The following LIN52 variants were observed in gnomAD, a reference collection of about 807,000 sequenced individuals.
LIN52 encodes lin-52 DREAM MuvB core complex component, also known as protein lin-52 homolog.
LIN52 carries 4 observed loss-of-function variants against 18.5 expected under a neutral mutation model. The ratio of observed to expected loss-of-function variants is 0.22; its 90% confidence interval spans 0.11 to 0.49. The LOEUF (loss-of-function observed/expected upper bound fraction) is 0.49, where lower values mean the gene tolerates loss of function less well. Among genes scored for constraint, LIN52 ranks in the 20% least tolerant of loss-of-function variants. The probability of loss-of-function intolerance (pLI) is 0.97; values close to 1 mark genes in which losing one functional copy is unlikely to be tolerated. For synonymous variants in LIN52, 34 were observed against 45.5 expected (o/e 0.75, Z 1.02); for missense variants, 102 against 139.5 (o/e 0.73, Z 1.35).
At chr14:74,163,985 T>A (rs986308162) in intron 5 of LIN52, among the ~76,000 whole-genome samples, 5 of 46,744 alleles carry the variant, frequency 1.1e-4, no homozygotes, top group South Asian at 4.4e-4. Flanking sequence ...TGTACTGAAA[T>A]TTTTTTTTTT....
chr14:74,118,656 C>A (rs1595161577), intron 5 of LIN52, among the ~76,000 whole-genome samples: 1 of 151,188 alleles, frequency 6.6e-6, no homozygotes, highest in Non-Finnish European at 1.5e-5. Context: ...CACCTGTAGT[C>A]CCAGCTACTT....
chr14:74,173,496 T>C (rs1026854996), intron 5 of LIN52, among the ~76,000 whole-genome samples: 1 of 152,208 alleles, frequency 6.6e-6, no homozygotes, highest in African/African-American at 2.4e-5. Context: ...CTGGATTACT[T>C]AGTTTTTACA....
intron 5 of LIN52, among the ~76,000 whole-genome samples, chr14:74,146,307 C>T (rs1257149775): frequency 6.6e-6 from 1 of 152,022 alleles, no homozygotes; most frequent in Non-Finnish European, 1.5e-5. Flanking sequence ...CTGTGCCAAC[C>T]ATAAGAAAAA....
chr14:74,132,622 CCT>C (rs1438237600), intron 5 of LIN52, among the ~76,000 whole-genome samples: 1 of 152,218 alleles, frequency 6.6e-6, no homozygotes. Flanking sequence ...AATTCTCCTG[CCT>C]CAGCCTCCCG....
intron 5 of LIN52, among the ~76,000 whole-genome samples, chr14:74,106,205 C>T (rs1366571554): frequency 6.6e-6 from 1 of 152,162 alleles, no homozygotes; most frequent in East Asian, 1.9e-4. Context: ...ATGTTACAGT[C>T]ACCTTCTAGC....
At chr14:74,086,110 A>T (rs1595140333) in intron 1 of LIN52, among the ~76,000 whole-genome samples, 1 of 151,824 alleles carries the variant, frequency 6.6e-6, no homozygotes, top group East Asian at 1.9e-4. Context: ...ACCATTATTC[A>T]TTATCTCAGT....
At chr14:74,163,984 A>T (rs954422998) in intron 5 of LIN52, among the ~76,000 whole-genome samples, 2 of 146,598 alleles carry the variant, frequency 1.4e-5, no homozygotes, top group East Asian at 2.0e-4. Flanking sequence ...CTGTACTGAA[A>T]TTTTTTTTTT....
rs140817464 is a variant in LIN52, at chr14:74,166,252, C to T, written c.284-32670C>T. Among the ~76,000 whole-genome samples the T allele has an allele frequency of 2.4e-4, 35 of 148,186 alleles. No homozygotes were observed. The East Asian group carries it at 6.4e-3, about 27-fold the overall frequency. ...TTTTTTTAAGACAGAGTTTTGCTCT[C>T]GTTGCCCAGGTTGGAGTGCAATGGC... On this transcript the variant is annotated intron_variant, in intron 5 of 5. Coordinates refer to ENST00000555028, the MANE Select transcript of LIN52 (RefSeq NM_001024674.3).
intron 2 of LIN52, among the ~76,000 whole-genome samples, chr14:74,093,740 C>A (rs1437968976): frequency 6.6e-6 from 1 of 152,088 alleles, no homozygotes; most frequent in Non-Finnish European, 1.5e-5. Flanking sequence ...CCGAGGTGGG[C>A]GGATTACCTG....
At chr14:74,146,348 A>C (rs917048511) in intron 5 of LIN52, among the ~76,000 whole-genome samples, 1 of 151,994 alleles carries the variant, frequency 6.6e-6, no homozygotes, top group African/African-American at 2.4e-5. Flanking sequence ...AGTTCTCTTC[A>C]GTTTCCATAA....
chr14:74,165,242 T>A (rs2061243268), intron 5 of LIN52, among the ~76,000 whole-genome samples: 1 of 152,128 alleles, frequency 6.6e-6, no homozygotes, highest in Non-Finnish European at 1.5e-5. Context: ...GCATGTCATG[T>A]GTATTATGAG....
At chr14:74,151,063 T>C (rs1039240008) in intron 5 of LIN52, among the ~76,000 whole-genome samples, 1 of 152,202 alleles carries the variant, frequency 6.6e-6, no homozygotes, top group Non-Finnish European at 1.5e-5. Flanking sequence ...ACAATTTTTA[T>C]ACCCAGAGAG....
intron 5 of LIN52, among the ~76,000 whole-genome samples, chr14:74,105,852 A>T (rs1488318591): frequency 6.6e-6 from 1 of 152,340 alleles, no homozygotes; most frequent in East Asian, 1.9e-4. Flanking sequence ...TCCCAAGAGC[A>T]TTGTTAAATG....
chr14:74,169,106 T>C (rs1478247311), intron 5 of LIN52, among the ~76,000 whole-genome samples: 2 of 152,136 alleles, frequency 1.3e-5, no homozygotes, highest in African/African-American at 2.4e-5. Context: ...TTGGAAACTC[T>C]TTTTTGGGCC....
chr14:74,114,065 C>T, intron 5 of LIN52: 1 of 860,548 alleles, frequency 1.2e-6, no homozygotes, highest in Non-Finnish European at 1.4e-6. Context: ...ACTGCAACCC[C>T]TACCTCCCGG....
chr14:74,200,673 A>G lies in LIN52; in HGVS notation c.*1696A>G, dbSNP rs765100357. 18 of 152,234 alleles carry G rather than the reference A, an allele frequency of 1.2e-4. No individual in the cohort carries two copies. Among genetic ancestry groups the G allele is most frequent in the Non-Finnish European group, 2.5e-4 (17 of 68,042 alleles). 9.4% of individuals were successfully genotyped at this position (152,234 alleles called of 1,614,324 possible). ...AAGGAAAAAAGACTTAACACAAGAT[A>G]GGAAAGATGAGTATGAGAAGTAAAA... On this transcript the variant is annotated 3_prime_UTR_variant, in exon 6 of 6. Transcript: ENST00000555028.
intron 5 of LIN52, among the ~76,000 whole-genome samples, chr14:74,160,764 T>C (rs1426288308): frequency 1.3e-5 from 2 of 152,200 alleles, no homozygotes; most frequent in East Asian, 1.9e-4. Context: ...CTAGACACTT[T>C]GCTCAGTGTG....
chr14:74,117,927 C>CA (rs3216533), intron 5 of LIN52, among the ~76,000 whole-genome samples: 1 of 151,514 alleles, frequency 6.6e-6, no homozygotes, highest in Non-Finnish European at 1.5e-5. Context: ...TTGGTATAAC[C>CA]AAAAAAAATT....
chr14:74,093,170 C>G (rs1423230788), intron 2 of LIN52, among the ~76,000 whole-genome samples: 1 of 151,924 alleles, frequency 6.6e-6, no homozygotes, highest in Non-Finnish European at 1.5e-5. Context: ...TGGTCTTGAA[C>G]TCCTGACCTC....
Sources: gnomAD v4.1 joint callset for allele counts (sites outside exome capture counted in the v4.1 genomes callset) on GRCh38, gnomAD v4.1.1 for gene constraint, MANE v1.5 for transcripts, NCBI Gene and HGNC (gene_info 2026-07-23, HGNC 2026-07-21) for gene names.